Variants in ARHGAP32 observed in about 807,000 individuals in gnomAD.
ARHGAP32 encodes Rho GTPase activating protein 32.
A neutral mutation model predicts 186.5 loss-of-function variants in ARHGAP32; 51 were observed. The observed-to-expected ratio is 0.27, with a 90% CI of 0.22 to 0.35. ARHGAP32 has a LOEUF of 0.35. ARHGAP32 is among the 10% of genes least tolerant of loss of function. The probability of loss-of-function intolerance (pLI) is 1.00; values close to 1 mark genes in which losing one functional copy is unlikely to be tolerated. For synonymous variants in ARHGAP32, 950 were observed against 964.3 expected, an observed-to-expected ratio of 0.99 and a Z score of 0.27; for missense variants, 2,186 against 2,623.5, an observed-to-expected ratio of 0.83 and a Z score of 3.64.
chr11:129,051,593 T>G (rs760827791), intron 10 of ARHGAP32, among the ~76,000 whole-genome samples: 5 of 152,240 alleles, frequency 3.3e-5, no homozygotes, highest in African/African-American at 4.8e-5. Flanking sequence ...AATCTTTGCC[T>G]AATCCAAAGC....
chr11:129,198,677 T>A (rs368514606), intron 1 of ARHGAP32, among the ~76,000 whole-genome samples: 1 of 152,216 alleles, frequency 6.6e-6, no homozygotes, highest in Non-Finnish European at 1.5e-5. Flanking sequence ...CTTTCCTTTA[T>A]AGATTACCCA....
chr11:129,019,919 C>T (rs1938525156), intron 11 of ARHGAP32, among the ~76,000 whole-genome samples: 1 of 151,934 alleles, frequency 6.6e-6, no homozygotes, highest in African/African-American at 2.4e-5. Flanking sequence ...AGTTTTAATC[C>T]CGATTCTGCC....
chr11:129,180,824 T>C (rs1944038952), intron 1 of ARHGAP32, among the ~76,000 whole-genome samples: 1 of 152,002 alleles, frequency 6.6e-6, no homozygotes, highest in South Asian at 2.1e-4. Context: ...AAATGAAAAA[T>C]AGGAGAGAAA....
chr11:129,167,801 T>C (rs898238559), intron 1 of ARHGAP32, among the ~76,000 whole-genome samples: 4 of 152,238 alleles, frequency 2.6e-5, no homozygotes, highest in African/African-American at 9.6e-5. Flanking sequence ...TAGATAACAG[T>C]GGTTTTCGTA....
chr11:129,077,990 C>T (rs1200248113), intron 6 of ARHGAP32, among the ~76,000 whole-genome samples: 1 of 152,224 alleles, frequency 6.6e-6, no homozygotes, highest in Non-Finnish European at 1.5e-5. Flanking sequence ...CACCTGACAA[C>T]TTCACTGCTA....
rs1945416872 is a variant in ARHGAP32 at position 128,972,675 on chromosome 11, G to A, written c.3831C>T (p.Tyr1277=). ...GGGCTGTTGCTGGAGTAGTTGTCAT[G>A]TAAGTCATGGTGGCTGTGCTGGTAT... ...EENTSTATMT[Y]MTTTPATAQM... is the part of the protein sequence containing the mutation. The change falls in exon 22 of 23, where the codon TAC becomes TAT. Residue 1277 remains tyrosine (Y), a synonymous_variant. Transcript: ENST00000682385. 1 of 1,614,112 alleles carries A rather than the reference G, an allele frequency of 6.2e-7. No homozygotes were observed. Among genetic ancestry groups the A allele is most frequent in the Non-Finnish European group, 8.5e-7 (1 of 1,180,014 alleles).
At chr11:129,179,947 T>TA (rs1013117124) in intron 1 of ARHGAP32, among the ~76,000 whole-genome samples, 6 of 150,590 alleles carry the variant, frequency 4.0e-5, no homozygotes, top group African/African-American at 9.8e-5. Flanking sequence ...AGTATAATAA[T>TA]AAAAAAAAAT....
Position 128,974,492 on chromosome 11 carries a change from A to G in ARHGAP32, c.2705T>C (p.Val902Ala), listed in dbSNP as rs767291932. 4 of 1,614,062 alleles carry G rather than the reference A, an allele frequency of 2.5e-6. No individual in the cohort carries two copies. The highest frequency in any genetic ancestry group is 1.3e-5 in the African/African-American group (1 of 74,914). ...TCCTATCTTCGGAGAGAAAGCATAG[A>G]CGACCTTTTCAGTAAAGGAGGATGG... Reference protein sequence around the residue: ...SKPSSFTEKVVYAFSPKIGRK... With the variant: ...SKPSSFTEKVAYAFSPKIGRK... Residue 902 changes from valine (V) to alanine (A), a missense_variant, in exon 21 of 23, where the codon GTC becomes GCC. Physicochemically the swap from Val to Ala is moderately conservative, Grantham distance 64. This residue lies in a region of ARHGAP32 where 1,502 missense variants were observed against 1,570.0 expected (regional missense o/e 0.96). Transcript: ENST00000682385.
intron 2 of ARHGAP32, among the ~76,000 whole-genome samples, chr11:129,142,204 C>G (rs537040272): frequency 6.6e-6 from 1 of 152,218 alleles, no homozygotes; most frequent in Admixed American, 6.6e-5. Context: ...CCGGCTCTTC[C>G]CCTCTTTCCG....
At chr11:128,988,188 A>C in intron 12 of ARHGAP32, 63 bp from the exon 13 acceptor site, 1 of 1,230,582 alleles carries the variant, frequency 8.1e-7, no homozygotes, top group Non-Finnish European at 1.2e-6. Flanking sequence ...AAGTTGCCAA[A>C]AAATAAGATT....
At chr11:129,147,096 G>A (rs959400191) in intron 2 of ARHGAP32, among the ~76,000 whole-genome samples, 1 of 152,124 alleles carries the variant, frequency 6.6e-6, no homozygotes, top group Admixed American at 6.5e-5. Flanking sequence ...TTGCAACCTA[G>A]CATTGCACTT....
intron 14 of ARHGAP32, among the ~76,000 whole-genome samples, 196 bp from the exon 15 acceptor site, chr11:128,986,281 A>G (rs1945870746): frequency 6.6e-6 from 1 of 152,190 alleles, no homozygotes; most frequent in Non-Finnish European, 1.5e-5. Flanking sequence ...ACTAATTTTA[A>G]AAAGGCTTGA....
chr11:129,125,734 C>T (rs1942644182), intron 2 of ARHGAP32: 1 of 205,122 alleles, frequency 4.9e-6, no homozygotes, highest in Admixed American at 5.4e-5. Flanking sequence ...AATGCATGAA[C>T]TTATGAGAAT....
chr11:129,098,206 AT>A (rs1434660694), intron 5 of ARHGAP32, among the ~76,000 whole-genome samples: 1 of 152,176 alleles, frequency 6.6e-6, no homozygotes, highest in African/African-American at 2.4e-5. Context: ...GCAGGGTAAA[AT>A]AAATTAAAAC....
At chr11:129,107,237 T>C (rs1942072796) in intron 5 of ARHGAP32, among the ~76,000 whole-genome samples, 1 of 152,044 alleles carries the variant, frequency 6.6e-6, no homozygotes. Context: ...AAAGGAGAAA[T>C]TAAGACATTC....
chr11:129,171,765 T>G (rs1026057447), intron 1 of ARHGAP32, among the ~76,000 whole-genome samples: 1 of 152,232 alleles, frequency 6.6e-6, no homozygotes, highest in Non-Finnish European at 1.5e-5. Context: ...TCAGGCAGTA[T>G]GGCCATTTTC....
intron 5 of ARHGAP32, among the ~76,000 whole-genome samples, chr11:129,116,432 C>A (rs660295): frequency 0.018 from 2,698 of 152,060 alleles, 32 homozygotes; most frequent in Non-Finnish European, 0.022. Context: ...CAAATTCTCT[C>A]CTGAAAGGAC....
intron 1 of ARHGAP32, among the ~76,000 whole-genome samples, chr11:129,229,117 T>C (rs920249817): frequency 3.3e-5 from 5 of 152,224 alleles, no homozygotes; most frequent in Non-Finnish European, 7.3e-5. Flanking sequence ...ATCTAAACTC[T>C]GTATTTTAAA....
chr11:129,178,089 C>A (rs1476933725), intron 1 of ARHGAP32, among the ~76,000 whole-genome samples: 2 of 150,300 alleles, frequency 1.3e-5, no homozygotes, highest in Non-Finnish European at 3.0e-5. Flanking sequence ...GCAACTTCAG[C>A]AAAGTCTCAG....
Sources: gnomAD v4.1 joint callset for allele counts (sites outside exome capture counted in the v4.1 genomes callset) on GRCh38, gnomAD v4.1.1 for gene constraint, gnomAD v4.1.1 regional missense constraint, MANE v1.5 for transcripts, NCBI Gene and HGNC (gene_info 2026-07-23, HGNC 2026-07-21) for gene names.